PCDH9: variants seen among roughly 807,000 people sequenced by gnomAD.
PCDH9 encodes the protein protocadherin-9.
PCDH9 carries 24 observed loss-of-function variants against 70.6 expected under a neutral mutation model. The ratio of observed to expected loss-of-function variants is 0.34; its 90% CI spans 0.25 to 0.48. PCDH9 has a LOEUF of 0.48. Ranked by LOEUF, PCDH9 falls within the 20% of genes least tolerant of loss-of-function variation. The pLI, the probability that PCDH9 is intolerant of heterozygous loss-of-function variation, is 0.99. For synonymous variants in PCDH9, 562 were observed against 558.5 expected, an observed-to-expected ratio of 1.01 and a Z score of -0.09; for missense variants, 1,281 against 1,503.6, an observed-to-expected ratio of 0.85 and a Z score of 2.45.
intron 2 of PCDH9, among the ~76,000 whole-genome samples, chr13:66,928,381 G>A (rs1460861746): frequency 6.6e-6 from 1 of 151,996 alleles, no homozygotes; most frequent in African/African-American, 2.4e-5. Context: ...ATGGAATTTC[G>A]TGTCTCACAA....
intron 2 of PCDH9, among the ~76,000 whole-genome samples, chr13:67,027,229 G>A (rs557786301): frequency 5.5e-4 from 84 of 152,116 alleles, no homozygotes; most frequent in African/African-American, 1.8e-3. Context: ...ATAGATCAAC[G>A]GAACAGAACA....
At chr13:66,457,358 A>C (rs1958337158) in intron 4 of PCDH9, among the ~76,000 whole-genome samples, 1 of 152,096 alleles carries the variant, frequency 6.6e-6, no homozygotes, top group South Asian at 2.1e-4. Flanking sequence ...GAGCACATCT[A>C]CCACCAATTG....
intron 4 of PCDH9, among the ~76,000 whole-genome samples, chr13:66,531,774 G>T (rs1176670581): frequency 6.6e-6 from 1 of 152,046 alleles, no homozygotes; most frequent in Non-Finnish European, 1.5e-5. Flanking sequence ...TTGTACTAAT[G>T]CATTAAAATA....
At chr13:66,841,559 A>G (rs2081116304) in intron 3 of PCDH9, among the ~76,000 whole-genome samples, 1 of 152,230 alleles carries the variant, frequency 6.6e-6, no homozygotes, top group Non-Finnish European at 1.5e-5. Flanking sequence ...TCATAACAAT[A>G]AAGAAAACAA....
At chr13:66,857,992 C>G (rs1026280300) in intron 3 of PCDH9, among the ~76,000 whole-genome samples, 1 of 152,116 alleles carries the variant, frequency 6.6e-6, no homozygotes, top group African/African-American at 2.4e-5. Flanking sequence ...GGAAGCATCC[C>G]ACTATCAAAG....
At chr13:66,873,800 T>C (rs1053344175) in intron 3 of PCDH9, among the ~76,000 whole-genome samples, 9 of 152,090 alleles carry the variant, frequency 5.9e-5, no homozygotes, top group East Asian at 3.8e-4. Context: ...CACTACACTC[T>C]AGATATGCGT....
intron 2 of PCDH9, among the ~76,000 whole-genome samples, chr13:66,936,402 G>A (rs1194135610): frequency 6.6e-6 from 1 of 152,018 alleles, no homozygotes; most frequent in Non-Finnish European, 1.5e-5. Flanking sequence ...TCTTTGCAAA[G>A]AACAATTAAG....
chr13:66,681,380 C>A (rs1404424338), intron 3 of PCDH9, among the ~76,000 whole-genome samples: 1 of 152,054 alleles, frequency 6.6e-6, no homozygotes, highest in Non-Finnish European at 1.5e-5. Context: ...ACTAACTTGA[C>A]CTAATTCAGT....
chr13:66,395,474 G>A (rs1402177965), intron 4 of PCDH9, among the ~76,000 whole-genome samples: 6 of 152,056 alleles, frequency 3.9e-5, no homozygotes, highest in African/African-American at 9.6e-5. Flanking sequence ...GGTGGCACGC[G>A]CCTGTAATCC....
intron 2 of PCDH9, among the ~76,000 whole-genome samples, chr13:67,100,600 C>G (rs1395952506): frequency 6.6e-6 from 1 of 152,180 alleles, no homozygotes; most frequent in Non-Finnish European, 1.5e-5. Context: ...AAAAAGTAAT[C>G]ACTGCAGTTT....
chr13:66,973,952 T>C (rs2083569630), intron 2 of PCDH9, among the ~76,000 whole-genome samples: 1 of 151,984 alleles, frequency 6.6e-6, no homozygotes, highest in Non-Finnish European at 1.5e-5. Flanking sequence ...AATAGAATAA[T>C]AGGATTGCTA....
intron 2 of PCDH9, among the ~76,000 whole-genome samples, chr13:67,068,162 T>C (rs556961957): frequency 1.3e-5 from 2 of 152,184 alleles, no homozygotes; most frequent in South Asian, 2.1e-4. Context: ...TATATCAAAA[T>C]AGTATCACAT....
intron 3 of PCDH9, among the ~76,000 whole-genome samples, chr13:66,848,335 C>T (rs1035660343): frequency 6.6e-6 from 1 of 152,178 alleles, no homozygotes; most frequent in Admixed American, 6.5e-5. Flanking sequence ...TAAAACCAGA[C>T]AAGATTATAT....
At chr13:66,940,284 CGAAT>C (rs1490188099) in intron 2 of PCDH9, among the ~76,000 whole-genome samples, 1 of 152,070 alleles carries the variant, frequency 6.6e-6, no homozygotes, top group Non-Finnish European at 1.5e-5. Flanking sequence ...TACATCCTGA[CGAAT>C]GAGTCATTTT....
intron 2 of PCDH9, among the ~76,000 whole-genome samples, chr13:67,176,747 A>T (rs545486698): frequency 7.0e-4 from 107 of 152,084 alleles, no homozygotes; most frequent in Admixed American, 2.4e-3. Context: ...TTCATGGGAC[A>T]TTTTTTGTCA....
At chr13:66,987,783 A>C (rs1267416161) in intron 2 of PCDH9, among the ~76,000 whole-genome samples, 1 of 152,058 alleles carries the variant, frequency 6.6e-6, no homozygotes, top group East Asian at 1.9e-4. Flanking sequence ...ATGGCTCTTA[A>C]CTTCATATAA....
intron 2 of PCDH9, among the ~76,000 whole-genome samples, chr13:66,907,736 G>C (rs2082387851): frequency 6.6e-6 from 1 of 151,990 alleles, no homozygotes; most frequent in African/African-American, 2.4e-5. Flanking sequence ...TGCTAAATAG[G>C]GGGTTCTTTA....
chr13:66,378,460 C>T (rs1332732749), intron 4 of PCDH9, among the ~76,000 whole-genome samples: 1 of 152,018 alleles, frequency 6.6e-6, no homozygotes, highest in Non-Finnish European at 1.5e-5. Flanking sequence ...TGTAAATTTT[C>T]ACACAGACCT....
intron 4 of PCDH9, among the ~76,000 whole-genome samples, chr13:66,498,860 C>G (rs780972166): frequency 6.6e-6 from 1 of 151,464 alleles, no homozygotes; most frequent in Non-Finnish European, 1.5e-5. Flanking sequence ...AGTTCATTGG[C>G]AGCTATACCA....
Sources: allele counts gnomAD v4.1 joint callset (sites outside exome capture counted in the v4.1 genomes callset), GRCh38; gene constraint gnomAD v4.1.1; transcripts MANE v1.5; gene names NCBI Gene and HGNC (gene_info 2026-07-23, HGNC 2026-07-21).